The following NDST4 variants were observed in gnomAD, a reference collection of about 807,000 sequenced individuals.
NDST4 encodes the protein N-heparan sulfate sulfotransferase 4.
A neutral mutation model predicts 100.8 loss-of-function variants in NDST4; 63 were observed. That is an observed-to-expected ratio of 0.62 (90% CI 0.51 to 0.77). The LOEUF (loss-of-function observed/expected upper bound fraction) is 0.77. Ranked by LOEUF, NDST4 falls within the 30% of genes least tolerant of loss-of-function variation. NDST4 has a pLI of 0.00. For missense variants in NDST4, 943 were observed against 1,018.4 expected, an observed-to-expected ratio of 0.93 and a Z score of 1.01; for synonymous variants, 377 against 361.8, an observed-to-expected ratio of 1.04 and a Z score of -0.48.
Position 114,947,145 on chromosome 4 carries a change from T to C in NDST4, c.1222-9642A>G, listed in dbSNP as rs929618667. ...GCATAGAAGGTCCCCTTGGGGTCTA[T>C]GGCCAGGTATTAAAGTGAGAACAAT... On this transcript the variant is annotated intron_variant, in intron 4 of 13. Transcript: ENST00000264363. 2.6e-5 allele frequency among the ~76,000 whole-genome samples: 4 copies of C among 152,198 alleles called. No individual in the cohort carries two copies. The South Asian group carries it at 8.3e-4, about 31-fold the overall frequency.
Position 114,970,323 on chromosome 4 carries a change from A to T in NDST4, c.1221+107T>A, listed in dbSNP as rs1034622603. On this transcript the variant is annotated intron_variant, in intron 4 of 13. Coordinates refer to ENST00000264363, the MANE Select transcript of NDST4 (RefSeq NM_022569.3). ...AATACATGTGATGCACCCTGATATT[A>T]TATTTTATTCTATTTCTATCATATT... The T allele has an allele frequency of 8.0e-6, 8 of 994,520 alleles. No homozygotes were observed. The Admixed American group carries it at 2.2e-4, about 28-fold the overall frequency. The allele number at this position is 994,520 out of a possible 1,614,324, so 61.6% of individuals were successfully genotyped here.
Position 114,827,921 on chromosome 4 carries a change from G to C in NDST4, c.2514C>G (p.Leu838=). 3.1e-6 allele frequency: 5 copies of C among 1,606,548 alleles called. No homozygotes were observed. Among genetic ancestry groups the C allele is most frequent in the Non-Finnish European group, 4.2e-6 (5 of 1,177,848 alleles). The stretch of plus-strand genomic sequence containing the variant: ...CATTATGATCTCGGTAGTAATTAGA[G>C]AGGAACGTTCTAGACTGGAAAGAAA... ...PPMDPESRTF[L]SNYYRDHNVE... The change falls in exon 14 of 14, where the codon CTC becomes CTG. Residue 838 remains leucine (L), a synonymous_variant. Transcript: ENST00000264363.
At chr4:115,033,619 A>G (rs1728170637) in intron 2 of NDST4, among the ~76,000 whole-genome samples, 1 of 152,020 alleles carries the variant, frequency 6.6e-6, no homozygotes, top group Non-Finnish European at 1.5e-5. Context: ...ATTTAATAAT[A>G]CAGAATTTAC....
intron 6 of NDST4, among the ~76,000 whole-genome samples, chr4:114,913,593 G>T (rs1023799359): frequency 2.6e-5 from 4 of 151,764 alleles, no homozygotes; most frequent in African/African-American, 9.7e-5. Flanking sequence ...TTAAAGGAGA[G>T]ATTTTAATAA....
chr4:115,069,111 T>A (rs1326592856), intron 2 of NDST4, among the ~76,000 whole-genome samples: 1 of 152,130 alleles, frequency 6.6e-6, no homozygotes, highest in East Asian at 1.9e-4. Context: ...TTAGGGGATG[T>A]GTCATATTCT....
In NDST4 at chr4:114,846,982, T is replaced by C. The variant is rs372453216; in HGVS notation, c.1941-985A>G. ...TTTAAAAGTAAGGTAGGATATAATG[T>C]CCCAGATGCAGAGTCGACACATCTC... On this transcript the variant is annotated intron_variant, in intron 9 of 13. Coordinates refer to ENST00000264363, the MANE Select transcript of NDST4 (RefSeq NM_022569.3). 2.6e-5 allele frequency among the ~76,000 whole-genome samples: 4 copies of C among 152,092 alleles called. No homozygotes were observed. The East Asian group carries it at 5.8e-4, about 22-fold the overall frequency.
intron 2 of NDST4, among the ~76,000 whole-genome samples, chr4:115,033,808 A>C (rs967961126): frequency 6.6e-6 from 1 of 152,060 alleles, no homozygotes; most frequent in African/African-American, 2.4e-5. Context: ...GTAATAAAAA[A>C]CATACTTCTT....
chr4:114,985,919 G>A (rs1726890032), intron 2 of NDST4, among the ~76,000 whole-genome samples: 4 of 152,046 alleles, frequency 2.6e-5, no homozygotes, highest in Admixed American at 2.6e-4. Context: ...CAAACAATGG[G>A]GCCAGTGAGA....
intron 4 of NDST4, among the ~76,000 whole-genome samples, chr4:114,948,475 C>A (rs751771025): frequency 6.6e-6 from 1 of 151,990 alleles, no homozygotes; most frequent in East Asian, 1.9e-4. Flanking sequence ...TGAATGATTT[C>A]ATTTACTTGA....
intron 1 of NDST4, among the ~76,000 whole-genome samples, chr4:115,080,133 GTTTCATT>G (rs1729270706): frequency 6.6e-6 from 1 of 151,888 alleles, no homozygotes; most frequent in Non-Finnish European, 1.5e-5. Context: ...AATTTTATTT[GTTTCATT>G]TATTTATTTA....
At chr4:115,011,676 G>A (rs2126260750) in intron 2 of NDST4, among the ~76,000 whole-genome samples, 1 of 151,900 alleles carries the variant, frequency 6.6e-6, no homozygotes, top group East Asian at 1.9e-4. Flanking sequence ...GTAATGTAGT[G>A]TCTATTTAAA....
At chr4:114,980,037 A>C (rs1726730968) in intron 2 of NDST4, among the ~76,000 whole-genome samples, 1 of 152,144 alleles carries the variant, frequency 6.6e-6, no homozygotes, top group Admixed American at 6.5e-5. Context: ...TAAAAGAGAA[A>C]AGTGCTAAAC....
intron 4 of NDST4, among the ~76,000 whole-genome samples, chr4:114,949,081 A>C (rs1000008111): frequency 2.0e-5 from 3 of 152,072 alleles, no homozygotes; most frequent in African/African-American, 4.8e-5. Flanking sequence ...TAATAATTAG[A>C]AACAAGGGTG....
intron 1 of NDST4, among the ~76,000 whole-genome samples, chr4:115,096,482 A>C (rs951376480): frequency 4.6e-5 from 7 of 151,834 alleles, no homozygotes; most frequent in Admixed American, 4.6e-4. Context: ...TTTCATAGAG[A>C]GCACAGTAGC....
intron 2 of NDST4, among the ~76,000 whole-genome samples, chr4:114,977,843 G>A (rs931861410): frequency 2.0e-5 from 3 of 151,944 alleles, no homozygotes; most frequent in African/African-American, 7.2e-5. Flanking sequence ...GGAAGAACAT[G>A]TAAAAATAGA....
At chr4:114,845,270 T>C (rs1156337059) in intron 10 of NDST4, among the ~76,000 whole-genome samples, 1 of 152,098 alleles carries the variant, frequency 6.6e-6, no homozygotes, top group Non-Finnish European at 1.5e-5. Context: ...AGGGAGAGGC[T>C]GCAGTGAGCT....
chr4:114,878,890 C>T (rs965125880), intron 6 of NDST4, among the ~76,000 whole-genome samples: 2 of 151,860 alleles, frequency 1.3e-5, no homozygotes, highest in South Asian at 2.1e-4. Context: ...CCTCTGCTAT[C>T]GTCTGTATAT....
chr4:114,931,677 C>T (rs1452011082), intron 6 of NDST4, among the ~76,000 whole-genome samples: 1 of 151,566 alleles, frequency 6.6e-6, no homozygotes, highest in Admixed American at 6.6e-5. Context: ...ACTAATACCA[C>T]AGAAATGCAA....
intron 7 of NDST4, among the ~76,000 whole-genome samples, chr4:114,853,640 T>C (rs1029189478): frequency 7.9e-5 from 12 of 152,198 alleles, no homozygotes; most frequent in African/African-American, 2.9e-4. Flanking sequence ...TACACAATAA[T>C]TATATTCAAG....
Sources: gnomAD v4.1 joint callset for allele counts (sites outside exome capture counted in the v4.1 genomes callset) on GRCh38, gnomAD v4.1.1 for gene constraint, MANE v1.5 for transcripts, NCBI Gene and HGNC (gene_info 2026-07-23, HGNC 2026-07-21) for gene names.